Variants in AGBL4 observed in about 807,000 individuals in gnomAD.
AGBL4 encodes cytosolic carboxypeptidase 6.
Under a neutral mutation model 66.4 loss-of-function variants are expected in AGBL4, and 58 were observed. That is an observed-to-expected ratio of 0.87 (90% confidence interval 0.71 to 1.09). The LOEUF is 1.09. Ranked by LOEUF, AGBL4 falls within the 50% of genes least tolerant of loss-of-function variation. The pLI is 0.00. For synonymous variants in AGBL4, 234 were observed against 222.9 expected (o/e 1.05, Z -0.44); for missense variants, 579 against 631.0 (o/e 0.92, Z 0.88).
Position 49,495,244 on chromosome 1 carries a change from T to C in AGBL4, c.282+202069A>G, listed in dbSNP as rs1455426151. ...TCCTGTGCTGATCTTTCAACACTAA[T>C]ATCTTACAACTAGCTTGTCCAACCT... On this transcript the variant is annotated intron_variant, in intron 3 of 13. Transcript: ENST00000371839. Among the ~76,000 whole-genome samples, 8 of 152,142 alleles carry C rather than the reference T, an allele frequency of 5.3e-5. No individual in the cohort carries two copies. The East Asian group carries it at 1.5e-3, about 29-fold the overall frequency.
chr1:49,160,010 T>A (rs1015749667), intron 4 of AGBL4, among the ~76,000 whole-genome samples: 3 of 152,208 alleles, frequency 2.0e-5, no homozygotes, highest in Non-Finnish European at 4.4e-5. Context: ...GGTTAGAATG[T>A]GCTCCTTAAG....
At chr1:49,005,995 C>T (rs923421212) in intron 5 of AGBL4, among the ~76,000 whole-genome samples, 2 of 151,342 alleles carry the variant, frequency 1.3e-5, no homozygotes, top group South Asian at 2.1e-4. Flanking sequence ...AGTGAGACTC[C>T]GTCTCAAAAA....
At chr1:49,926,384 A>T (rs774708197) in intron 1 of AGBL4, among the ~76,000 whole-genome samples, 2 of 152,200 alleles carry the variant, frequency 1.3e-5, no homozygotes, top group Non-Finnish European at 2.9e-5. Context: ...CACAATACCC[A>T]AGTCCCTTTG....
At chr1:48,678,636 A>G (rs565348603) in intron 6 of AGBL4, among the ~76,000 whole-genome samples, 1 of 152,318 alleles carries the variant, frequency 6.6e-6, no homozygotes, top group Admixed American at 6.5e-5. Context: ...TGCTCACTTT[A>G]AAGCCATGCC....
intron 4 of AGBL4, among the ~76,000 whole-genome samples, chr1:49,111,713 C>T (rs1240423985): frequency 6.6e-6 from 1 of 151,924 alleles, no homozygotes; most frequent in Non-Finnish European, 1.5e-5. Context: ...ATTAGAAAGC[C>T]CATGAAAGAT....
At chr1:48,535,099 C>T (rs944304327) in intron 12 of AGBL4, among the ~76,000 whole-genome samples, 183 bp from the exon 13 acceptor site, 3 of 152,038 alleles carry the variant, frequency 2.0e-5, no homozygotes, top group Non-Finnish European at 4.4e-5. Flanking sequence ...ATAGCTGGGG[C>T]AGCCATGGGG....
intron 3 of AGBL4, among the ~76,000 whole-genome samples, chr1:49,534,542 G>C (rs1651420147): frequency 6.6e-6 from 1 of 152,138 alleles, no homozygotes; most frequent in African/African-American, 2.4e-5. Flanking sequence ...TGACCCAAAA[G>C]GATGATGTTC....
intron 2 of AGBL4, among the ~76,000 whole-genome samples, chr1:49,832,209 A>C: frequency 1.4e-5 from 2 of 142,140 alleles, no homozygotes; most frequent in African/African-American, 5.3e-5. Context: ...ATGTGTTCTC[A>C]TTGTTCAATT....
intron 5 of AGBL4, among the ~76,000 whole-genome samples, chr1:49,012,965 A>G (rs117066077): frequency 0.011 from 1,676 of 152,328 alleles, 53 homozygotes; most frequent in Admixed American, 0.078. Context: ...GATCTGTTAT[A>G]AAAGCCAGGT....
chr1:49,684,764 T>A (rs1205602087), intron 3 of AGBL4, among the ~76,000 whole-genome samples: 1 of 152,322 alleles, frequency 6.6e-6, no homozygotes, highest in Non-Finnish European at 1.5e-5. Context: ...TTTATGATAT[T>A]TATTTGACTA....
chr1:48,992,812 A>T (rs763839656), intron 5 of AGBL4, among the ~76,000 whole-genome samples: 46 of 152,010 alleles, frequency 3.0e-4, no homozygotes, highest in Non-Finnish European at 5.1e-4. Context: ...TGTTCACCCC[A>T]AACCCAAGGG....
intron 3 of AGBL4, among the ~76,000 whole-genome samples, chr1:49,451,828 A>G (rs1646284189): frequency 6.6e-6 from 1 of 151,990 alleles, no homozygotes; most frequent in Non-Finnish European, 1.5e-5. Context: ...AGTAAAGGAA[A>G]AAATTACCTC....
chr1:49,241,943 T>C lies in AGBL4; in HGVS notation c.377+3827A>G, dbSNP rs12027602. On this transcript the variant is annotated intron_variant, in intron 4 of 13. Coordinates refer to ENST00000371839, the MANE Select transcript of AGBL4 (RefSeq NM_032785.4). ...TAGCATGGCTCATCATGTTATTTCT[T>C]CCACCCGGAATCCCATTTCCTTAAT... Among the ~76,000 whole-genome samples, 1,230 of 152,072 alleles carry C rather than the reference T, an allele frequency of 8.1e-3. 9 individuals are homozygous for C. The highest frequency in any genetic ancestry group is 0.031 in the Middle Eastern group (9 of 294).
At chr1:49,300,815 T>C (rs1455868354) in intron 3 of AGBL4, among the ~76,000 whole-genome samples, 1 of 152,230 alleles carries the variant, frequency 6.6e-6, no homozygotes, top group East Asian at 1.9e-4. Flanking sequence ...AAATGCCTTC[T>C]TTGAACTCTG....
Position 49,001,839 on chromosome 1 carries a change from T to C in AGBL4, c.594+43745A>G, listed in dbSNP as rs1400340451. 1.3e-5 allele frequency among the ~76,000 whole-genome samples: 2 copies of C among 152,138 alleles called. 1 individual carries two copies. Among genetic ancestry groups the C allele is most frequent in the East Asian group, 3.9e-4 (2 of 5,182 alleles). On this transcript the variant is annotated intron_variant, in intron 5 of 13. Transcript: ENST00000371839. ...ATAAATTCAAACCTCTAGGGTATGA[T>C]ATATAACAATTAGAATAGGCTAGGA...
At chr1:49,856,108 C>A (rs1646426646) in intron 1 of AGBL4, among the ~76,000 whole-genome samples, 1 of 152,014 alleles carries the variant, frequency 6.6e-6, no homozygotes, top group Admixed American at 6.6e-5. Flanking sequence ...CTATTATGAA[C>A]AACCATGTGC....
In AGBL4 at chr1:49,786,106, T is replaced by G. The variant is rs907316500; in HGVS notation, c.157+65290A>C. 6.7e-4 allele frequency among the ~76,000 whole-genome samples: 101 copies of G among 151,832 alleles called. 1 individual carries two copies. The highest frequency in any genetic ancestry group is 2.3e-3 in the African/African-American group (96 of 41,316). The stretch of plus-strand genomic sequence containing the variant: ...GGAAATGTTTTCTGGATTACAAGAA[T>G]AGCAAAATACAAATAAATACATGAA... On this transcript the variant is annotated intron_variant, in intron 2 of 13. Coordinates refer to ENST00000371839, the MANE Select transcript of AGBL4 (RefSeq NM_032785.4).
At chr1:49,624,961 C>A (rs146229217) in intron 3 of AGBL4, among the ~76,000 whole-genome samples, 2 of 152,054 alleles carry the variant, frequency 1.3e-5, no homozygotes, top group Admixed American at 1.3e-4. Context: ...TTTTAACCCA[C>A]ATAAAGAAAC....
intron 4 of AGBL4, among the ~76,000 whole-genome samples, chr1:49,191,555 A>G (rs964850349): frequency 6.6e-6 from 1 of 152,176 alleles, no homozygotes; most frequent in Non-Finnish European, 1.5e-5. Flanking sequence ...AAATGATCCC[A>G]TCACCCATGT....
Sources: gnomAD v4.1 joint callset for allele counts (sites outside exome capture counted in the v4.1 genomes callset) on GRCh38, gnomAD v4.1.1 for gene constraint, MANE v1.5 for transcripts, NCBI Gene and HGNC (gene_info 2026-07-23, HGNC 2026-07-21) for gene names.